The following RIPOR1 variants were observed in gnomAD, a reference collection of about 807,000 sequenced individuals.
RIPOR1 encodes the protein RHO family interacting cell polarization regulator 1.
Under a neutral mutation model 116.5 loss-of-function variants are expected in RIPOR1, and 58 were observed. The ratio of observed to expected loss-of-function variants is 0.50; its 90% CI spans 0.40 to 0.62. RIPOR1 has a LOEUF of 0.62. RIPOR1 is among the 20% of genes least tolerant of loss of function. The probability of loss-of-function intolerance (pLI) is 0.00; values close to 1 mark genes in which losing one functional copy is unlikely to be tolerated. For missense variants in RIPOR1, 1,372 were observed against 1,586.2 expected, an observed-to-expected ratio of 0.86 and a Z score of 2.29; for synonymous variants, 605 against 650.0, an observed-to-expected ratio of 0.93 and a Z score of 1.05.
intron 1 of RIPOR1, among the ~76,000 whole-genome samples, chr16:67,519,435 GA>G (rs2050475241): frequency 6.6e-6 from 1 of 152,154 alleles, no homozygotes; most frequent in South Asian, 2.1e-4. Flanking sequence ...GTGGGGAAGT[GA>G]GGAGAGACAG....
At position 67,545,063 on chromosome 16, in the gene RIPOR1, T is replaced by C. The variant is rs2051122308; in HGVS notation, c.2977T>C (p.Cys993Arg). The change falls in exon 17 of 22, where the codon TGC becomes CGC. Residue 993 changes from cysteine (C) to arginine (R), a missense_variant. This residue lies in a region of RIPOR1 where 1,005 missense variants were observed against 1,144.7 expected (regional missense o/e 0.88). Transcript: ENST00000042381. The surrounding 1 kb of genome is among the most constrained non-coding windows in gnomAD (Gnocchi z 4.8). Reference protein sequence around the residue: ...CPVERVLLTFCNQYGARLSLR... With the variant: ...CPVERVLLTFRNQYGARLSLR... Reference sequence around the variant, plus strand: ...GGTGGAGCGGGTGCTTCTCACCTTCTGCAACCAGTATGGTGCCCGCCTCTC... The same window carrying C: ...GGTGGAGCGGGTGCTTCTCACCTTCCGCAACCAGTATGGTGCCCGCCTCTC... 2 of 1,613,162 alleles carry C rather than the reference T, an allele frequency of 1.2e-6. No individual in the cohort carries two copies. The highest frequency in any genetic ancestry group is 1.7e-6 in the Non-Finnish European group (2 of 1,180,006).
At chr16:67,535,424 T>C (rs189395334) in intron 1 of RIPOR1, among the ~76,000 whole-genome samples, 2 of 152,264 alleles carry the variant, frequency 1.3e-5, no homozygotes, top group East Asian at 3.9e-4. Context: ...TGCGCAGTGC[T>C]GAGGATACTT....
chr16:67,540,150 G>A lies in RIPOR1; in HGVS notation c.512G>A (p.Arg171Gln), dbSNP rs1222946584. ...RAYTTGSPGS[R>Q]EARDSLAEAT... The stretch of plus-strand genomic sequence containing the variant: ...TACACCACTGGGTCCCCGGGAAGCC[G>A]AGAGGCCCGGGACAGCCTGGCAGAG... Residue 171 changes from arginine to glutamine, a missense_variant, in exon 7 of 22, where the codon CGA (arginine) becomes CAA (glutamine). Around this residue, in one of 3 missense-constraint regions of RIPOR1, gnomAD observed 202 missense variants for 295.9 expected, o/e 0.68. Transcript: ENST00000042381. The surrounding 1 kb of genome is among the most constrained non-coding windows in gnomAD (Gnocchi z 4.7). 8.1e-6 allele frequency: 13 copies of A among 1,614,060 alleles called. No individual in the cohort carries two copies. The highest frequency in any genetic ancestry group is 2.2e-5 in the East Asian group (1 of 44,888).
rs974793552 is a variant in RIPOR1 at position 67,537,134 on chromosome 16, C to A, written c.-23-1290C>A. 4.6e-5 allele frequency among the ~76,000 whole-genome samples: 7 copies of A among 152,114 alleles called. No homozygotes were observed. The stretch of plus-strand genomic sequence containing the variant: ...TTCACCTTGTTGGTCAGGCTGATCT[C>A]GAATTCCTGACCTCGTGATCCGCCC... On this transcript the variant is annotated intron_variant, in intron 1 of 21. Coordinates refer to ENST00000042381, the MANE Select transcript of RIPOR1 (RefSeq NM_024519.4). This position sits in a 1 kb window ranked among gnomAD's most constrained non-coding sequence, Gnocchi z 4.6.
intron 1 of RIPOR1, among the ~76,000 whole-genome samples, chr16:67,520,784 A>T (rs2050489002): frequency 6.6e-6 from 1 of 151,338 alleles, no homozygotes; most frequent in Non-Finnish European, 1.5e-5. Context: ...TAGGCGACAG[A>T]GTGAGACTCC....
Position 67,541,287 on chromosome 16 carries a change from C to T in RIPOR1, c.802-143C>T. On this transcript the variant is annotated intron_variant, in intron 10 of 21. Coordinates refer to ENST00000042381, the MANE Select transcript of RIPOR1 (RefSeq NM_024519.4). The surrounding 1 kb of genome is among the most constrained non-coding windows in gnomAD (Gnocchi z 4.6). ...GTCTTGCCATGTTGCCCAAGCTGGT[C>T]TTGAACTCCTGGCCTTAAGTGATCC... 4.1e-6 allele frequency: 3 copies of T among 738,104 alleles called. No homozygotes were observed. The highest frequency in any genetic ancestry group is 2.4e-5 in the South Asian group (1 of 41,812). The allele number at this position is 738,104 out of a possible 1,614,324, so 45.7% of individuals were successfully genotyped here.
chr16:67,535,488 G>A (rs977788913), intron 1 of RIPOR1, among the ~76,000 whole-genome samples: 6 of 152,214 alleles, frequency 3.9e-5, no homozygotes, highest in African/African-American at 1.4e-4. Flanking sequence ...GGAGGAGGCT[G>A]TGCAGGGAAG....
upstream of RIPOR1, among the ~76,000 whole-genome samples, chr16:67,527,058 A>C (rs188326118): frequency 6.6e-6 from 1 of 152,196 alleles, no homozygotes; most frequent in Non-Finnish European, 1.5e-5. Context: ...AGACTGGATG[A>C]TATTTTAGGG....
Position 67,545,367 on chromosome 16 carries a change from C to T in RIPOR1, c.3032-9C>T. On this transcript the variant is annotated splice_polypyrimidine_tract_variant and intron_variant, in intron 17 of 21. Coordinates refer to ENST00000042381, the MANE Select transcript of RIPOR1 (RefSeq NM_024519.4). This position sits in a 1 kb window ranked among gnomAD's most constrained non-coding sequence, Gnocchi z 4.8. ...CAAACTCTGAGGCCCATGCTACTGCCTCCTGCAGTGTGTGTGAAGTTCCTG... is the reference window on the plus strand; with the variant it reads ...CAAACTCTGAGGCCCATGCTACTGCTTCCTGCAGTGTGTGTGAAGTTCCTG... 1 of 1,613,286 alleles carries T rather than the reference C, an allele frequency of 6.2e-7. No homozygotes were observed. The highest frequency in any genetic ancestry group is 8.5e-7 in the Non-Finnish European group (1 of 1,179,650).
upstream of RIPOR1, among the ~76,000 whole-genome samples, chr16:67,525,946 C>T (rs937726220): frequency 2.6e-5 from 4 of 152,190 alleles, no homozygotes; most frequent in African/African-American, 4.8e-5. Flanking sequence ...GCTGTGTCCT[C>T]CCCTGTGCTT....
rs901700115 is a variant in RIPOR1, at chr16:67,544,119, A to G, written c.2601-180A>G. ...CAGACTGACTCCAGAGATCCCTACT[A>G]CCACCTGCTGGTCCCAGCCCCTTCC... is the stretch of plus-strand genomic sequence containing the variant. On this transcript the variant is annotated intron_variant, in intron 14 of 21. Transcript: ENST00000042381. The surrounding 1 kb of genome is among the most constrained non-coding windows in gnomAD (Gnocchi z 5.1). Among the ~76,000 whole-genome samples, 3 of 151,698 alleles carry G rather than the reference A, an allele frequency of 2.0e-5. No individual in the cohort carries two copies. The highest frequency in any genetic ancestry group is 7.3e-5 in the African/African-American group (3 of 41,266).
Position 67,546,678 on chromosome 16 carries a change from A to T in RIPOR1, c.*215A>T. The T allele has an allele frequency of 1.7e-6, 1 of 579,240 alleles. No individual in the cohort carries two copies. Among genetic ancestry groups the T allele is most frequent in the South Asian group, 2.1e-5 (1 of 47,602 alleles). The allele number at this position is 579,240 out of a possible 1,614,324, so 35.9% of individuals were successfully genotyped here. A position where few individuals can be genotyped will look rare whatever the true frequency, so the allele number is the denominator to read the frequency against. On this transcript the variant is annotated 3_prime_UTR_variant, in exon 22 of 22. Coordinates refer to ENST00000042381, the MANE Select transcript of RIPOR1 (RefSeq NM_024519.4). ...TCGGCTCAGCACATCCCTTGCCACA[A>T]ATCAGTGTCTGGGGCTTGGCCACCC...
chr16:67,538,715 C>A lies in RIPOR1; in HGVS notation c.148C>A (p.Pro50Thr). Residue 50 changes from proline to threonine, a missense_variant, in exon 3 of 22, where the codon CCC (proline) becomes ACC (threonine). Coordinates refer to ENST00000042381, the MANE Select transcript of RIPOR1 (RefSeq NM_024519.4). The part of the protein sequence containing the change: ...FSPPGPPRKP[P>T]ALSRVSRMFS... ...CCCGCCGGGGCCCCCACGGAAGCCC[C>A]CCGCGCTCTCCCGAGTGTCCAGGAT... The A allele has an allele frequency of 7.4e-6, 12 of 1,613,362 alleles. No individual in the cohort carries two copies. Among genetic ancestry groups the A allele is most frequent in the Non-Finnish European group, 1.0e-5 (12 of 1,179,940 alleles).
Position 67,531,219 on chromosome 16 carries a change from G to A in RIPOR1, c.-24+2305G>A, listed in dbSNP as rs1342831033. Among the ~76,000 whole-genome samples, 1 of 151,948 alleles carries A rather than the reference G, an allele frequency of 6.6e-6. No individual in the cohort carries two copies. The highest frequency in any genetic ancestry group is 1.5e-5 in the Non-Finnish European group (1 of 67,982). ...GAAGGGAGAGGGAGGATTGCATGTC[G>A]GGTAGGGGAGTTGGGGTGGACATAG... On this transcript the variant is annotated intron_variant, in intron 1 of 21. Transcript: ENST00000042381. The surrounding 1 kb of genome is among the most constrained non-coding windows in gnomAD (Gnocchi z 4.2).
rs1437659729 is a variant in RIPOR1, at chr16:67,537,636, GC to G, written c.-23-784del. 2 of 1,333,566 alleles carry G rather than the reference GC, an allele frequency of 1.5e-6. No homozygotes were observed. Among genetic ancestry groups the G allele is most frequent in the South Asian group, 1.7e-5 (1 of 59,222 alleles). The allele number at this position is 1,333,566 out of a possible 1,614,324, so 82.6% of individuals were successfully genotyped here. A position where few individuals can be genotyped will look rare whatever the true frequency, so the allele number is the denominator to read the frequency against. Reference sequence around the variant, plus strand: ...CGGGGCTGCGAAAGCTCAGGGACTGGCCCCAGGGGAAGCAGGCCGGGTTTGG... The same window carrying G: ...CGGGGCTGCGAAAGCTCAGGGACTGGCCCAGGGGAAGCAGGCCGGGTTTGG... On this transcript the variant is annotated intron_variant, in intron 1 of 21. Coordinates refer to ENST00000042381, the MANE Select transcript of RIPOR1 (RefSeq NM_024519.4). This position sits in a 1 kb window ranked among gnomAD's most constrained non-coding sequence, Gnocchi z 4.6.
intron 1 of RIPOR1, among the ~76,000 whole-genome samples, chr16:67,520,062 C>CAAAA (rs796368368): frequency 1.5e-4 from 7 of 46,034 alleles, no homozygotes; most frequent in South Asian, 1.1e-3. Context: ...AACTCCGTCT[C>CAAAA]AAAAAAAAAA....
intron 1 of RIPOR1, among the ~76,000 whole-genome samples, chr16:67,520,433 A>C (rs906994241): frequency 6.7e-6 from 1 of 148,778 alleles, no homozygotes; most frequent in Admixed American, 6.6e-5. Flanking sequence ...GAGAGAAGAG[A>C]AGATAAGAGA....
At chr16:67,536,089 C>T (rs1001781028) in intron 1 of RIPOR1, among the ~76,000 whole-genome samples, 1 of 152,068 alleles carries the variant, frequency 6.6e-6, no homozygotes, top group African/African-American at 2.4e-5. Context: ...TCCAGCCCCT[C>T]CAAGGTCAAG....
chr16:67,521,274 A>C (rs1338273972), intron 1 of RIPOR1, among the ~76,000 whole-genome samples: 1 of 152,126 alleles, frequency 6.6e-6, no homozygotes, highest in Non-Finnish European at 1.5e-5. Flanking sequence ...GACCAACTTT[A>C]CTTCTTAGGA....
Sources: allele counts gnomAD v4.1 joint callset (sites outside exome capture counted in the v4.1 genomes callset), GRCh38; gene constraint gnomAD v4.1.1; regional missense constraint gnomAD v4.1.1; non-coding constraint Gnocchi (gnomAD v3.1); transcripts MANE v1.5; gene names NCBI Gene and HGNC (gene_info 2026-07-23, HGNC 2026-07-21).